The following MAP3K20 variants were observed in gnomAD, a reference collection of about 807,000 sequenced individuals.
MAP3K20 encodes the protein HCCS-4.
A neutral mutation model predicts 85.7 loss-of-function variants in MAP3K20; 40 were observed. The observed-to-expected ratio is 0.47, with a 90% CI of 0.36 to 0.61. The LOEUF is 0.61. Ranked by LOEUF, MAP3K20 falls within the 20% of genes least tolerant of loss-of-function variation. The pLI, the probability that MAP3K20 is intolerant of heterozygous loss-of-function variation, is 0.00. For missense variants in MAP3K20, 817 were observed against 961.7 expected (o/e 0.85, Z 1.99); for synonymous variants, 325 against 327.7 (o/e 0.99, Z 0.09).
rs1270924789 is a variant in MAP3K20, at chr2:173,248,988, G to A, written c.1359+9492G>A. On this transcript the variant is annotated intron_variant, in intron 16 of 19. Transcript: ENST00000375213. Reference sequence around the variant, plus strand: ...GCTCCAGTCTCCTAATGAATCCATTGTCAGTTGGCTTAGGTCTCTGGATCA... The same window carrying A: ...GCTCCAGTCTCCTAATGAATCCATTATCAGTTGGCTTAGGTCTCTGGATCA... Among the ~76,000 whole-genome samples the A allele has an allele frequency of 5.3e-5, 8 of 152,176 alleles. No homozygotes were observed. The East Asian group carries it at 1.5e-3, about 29-fold the overall frequency.
chr2:173,188,633 G>C (rs1262731987), intron 5 of MAP3K20, among the ~76,000 whole-genome samples: 1 of 151,704 alleles, frequency 6.6e-6, no homozygotes, highest in Non-Finnish European at 1.5e-5. Flanking sequence ...GGGGTGAAGG[G>C]ATGGGGGCGG....
rs948856314 is a variant in MAP3K20 at position 173,266,613 on chromosome 2, G to A, written c.2266G>A (p.Ala756Thr). The stretch of plus-strand genomic sequence containing the variant: ...TTTGCACCCTGAGACTGACTCAAGA[G>A]CCAGTGAAGAGGACAGCAAAGTCAG... Reference protein sequence around the residue: ...MPLHPETDSRASEEDSKVSEG... With the variant: ...MPLHPETDSRTSEEDSKVSEG... The change falls in exon 20 of 20, where the codon GCC (alanine) becomes ACC (threonine). Residue 756 changes from alanine (A) to threonine (T), a missense_variant. Around this residue, in one of 4 missense-constraint regions of MAP3K20, gnomAD observed 454 missense variants for 476.9 expected, o/e 0.95. Coordinates refer to ENST00000375213, the MANE Select transcript of MAP3K20 (RefSeq NM_016653.3). 4 of 1,613,774 alleles carry A rather than the reference G, an allele frequency of 2.5e-6. No homozygotes were observed. In the Admixed American group the frequency reaches 6.7e-5, roughly 27 times the overall value.
intron 1 of MAP3K20, among the ~76,000 whole-genome samples, chr2:173,079,018 G>A (rs372327474): frequency 9.9e-5 from 15 of 152,258 alleles, no homozygotes; most frequent in African/African-American, 3.6e-4. Context: ...ACAGTCATGT[G>A]TCCATTAATG....
chr2:173,192,022 T>TAAA (rs1190325353), intron 7 of MAP3K20, among the ~76,000 whole-genome samples: 1 of 152,216 alleles, frequency 6.6e-6, no homozygotes, highest in Non-Finnish European at 1.5e-5. Flanking sequence ...ACGTATTCTT[T>TAAA]AAAAAGTCCA....
chr2:173,166,683 T>C (rs1410979995), intron 2 of MAP3K20: 1 of 152,160 alleles, frequency 6.6e-6, no homozygotes, highest in African/African-American at 2.4e-5. Context: ...CTTATGTTGG[T>C]TTTAATAGTG....
At chr2:173,246,666 C>A (rs934343422) in intron 16 of MAP3K20, among the ~76,000 whole-genome samples, 4 of 152,132 alleles carry the variant, frequency 2.6e-5, no homozygotes, top group African/African-American at 7.2e-5. Flanking sequence ...TCGTCCATTC[C>A]TTACAAATGC....
chr2:173,086,061 G>A (rs1042641013), intron 1 of MAP3K20, among the ~76,000 whole-genome samples: 2 of 152,040 alleles, frequency 1.3e-5, no homozygotes, highest in African/African-American at 4.8e-5. Flanking sequence ...TTCCCAAAGT[G>A]CTGGGACTAT....
At chr2:173,164,934 C>T (rs1251745928) in intron 2 of MAP3K20, among the ~76,000 whole-genome samples, 1 of 152,046 alleles carries the variant, frequency 6.6e-6, no homozygotes, top group Non-Finnish European at 1.5e-5. Flanking sequence ...AATCAACAAA[C>T]TAAAACTTCT....
chr2:173,266,201 C>G lies in MAP3K20; in HGVS notation c.1854C>G (p.Pro618=), dbSNP rs760264248. 2 of 1,614,062 alleles carry G rather than the reference C, an allele frequency of 1.2e-6. No individual in the cohort carries two copies. Among genetic ancestry groups the G allele is most frequent in the East Asian group, 4.5e-5 (2 of 44,866 alleles). Residue 618 remains proline, a synonymous_variant, in exon 20 of 20, where the codon CCC becomes CCG. Transcript: ENST00000375213. ...QDSYAAAVRR[P]QVPIKYQQIT... ...CCTACGCTGCTGCTGTGAGACGGCC[C>G]CAGGTGCCCATTAAGTATCAACAGA... is the stretch of plus-strand genomic sequence containing the variant.
chr2:173,205,093 A>G (rs1296999713), intron 9 of MAP3K20, among the ~76,000 whole-genome samples: 2 of 134,710 alleles, frequency 1.5e-5, no homozygotes, highest in East Asian at 4.8e-4. Flanking sequence ...ACAGAGCGAG[A>G]CTCTGTCTCA....
intron 3 of MAP3K20, among the ~76,000 whole-genome samples, chr2:173,174,659 A>G (rs1332941508): frequency 6.6e-6 from 1 of 152,218 alleles, no homozygotes; most frequent in African/African-American, 2.4e-5. Context: ...TAGTGCCACA[A>G]TAAACATATG....
At chr2:173,164,400 G>A (rs1450132332) in intron 2 of MAP3K20, among the ~76,000 whole-genome samples, 2 of 152,042 alleles carry the variant, frequency 1.3e-5, no homozygotes, top group Non-Finnish European at 2.9e-5. Flanking sequence ...TTTTTAATGG[G>A]GTTGTTTTTT....
intron 2 of MAP3K20, among the ~76,000 whole-genome samples, chr2:173,111,833 T>C (rs1687983588): frequency 1.3e-5 from 2 of 152,186 alleles, no homozygotes; most frequent in Non-Finnish European, 2.9e-5. Flanking sequence ...ATGGCTTTAT[T>C]GTATAGTTTG....
chr2:173,110,271 T>A (rs1687931105), intron 2 of MAP3K20, among the ~76,000 whole-genome samples: 2 of 106,190 alleles, frequency 1.9e-5, no homozygotes, highest in African/African-American at 3.8e-5. Context: ...TTTTTTTTTT[T>A]GAGACAGGAT....
intron 2 of MAP3K20, among the ~76,000 whole-genome samples, chr2:173,123,903 T>A (rs532803864): frequency 6.6e-6 from 1 of 152,344 alleles, no homozygotes; most frequent in East Asian, 1.9e-4. Flanking sequence ...CCTCAACTTA[T>A]TTTCTTTTGG....
intron 2 of MAP3K20, among the ~76,000 whole-genome samples, chr2:173,115,680 C>CA (rs1688100488): frequency 6.6e-6 from 1 of 152,080 alleles, no homozygotes; most frequent in Non-Finnish European, 1.5e-5. Flanking sequence ...GATTGTTGTC[C>CA]GTCTTCTGGG....
chr2:173,205,621 G>A (rs1378810928), intron 9 of MAP3K20, among the ~76,000 whole-genome samples: 1 of 152,078 alleles, frequency 6.6e-6, no homozygotes, highest in Non-Finnish European at 1.5e-5. Flanking sequence ...ATTTGTTGCT[G>A]GTTCTCCCAG....
intron 2 of MAP3K20, among the ~76,000 whole-genome samples, chr2:173,143,202 A>G (rs1574052704): frequency 6.6e-6 from 1 of 152,320 alleles, no homozygotes; most frequent in Non-Finnish European, 1.5e-5. Flanking sequence ...TTAATATCAG[A>G]CACAGTATGG....
chr2:173,079,578 A>G (rs925581804), intron 1 of MAP3K20, among the ~76,000 whole-genome samples: 1 of 152,234 alleles, frequency 6.6e-6, no homozygotes, highest in African/African-American at 2.4e-5. Flanking sequence ...AGCTTAAAAC[A>G]CAAACACATT....
Sources: gnomAD v4.1 joint callset for allele counts (sites outside exome capture counted in the v4.1 genomes callset) on GRCh38, gnomAD v4.1.1 for gene constraint, gnomAD v4.1.1 regional missense constraint, MANE v1.5 for transcripts, NCBI Gene and HGNC (gene_info 2026-07-23, HGNC 2026-07-21) for gene names.